The following SLC44A5 variants were observed in gnomAD, a reference collection of about 807,000 sequenced individuals.
SLC44A5 encodes solute carrier family 44 member 5.
Under a neutral mutation model 101.8 loss-of-function variants are expected in SLC44A5, and 57 were observed. The observed-to-expected ratio is 0.56, with a 90% CI of 0.45 to 0.70. The LOEUF is 0.70. Ranked by LOEUF, SLC44A5 falls within the 30% of genes least tolerant of loss-of-function variation. The probability of loss-of-function intolerance (pLI) is 0.00; values close to 1 mark genes in which losing one functional copy is unlikely to be tolerated. For missense variants in SLC44A5, 737 were observed against 853.1 expected (o/e 0.86, Z 1.70); for synonymous variants, 281 against 290.9 (o/e 0.97, Z 0.35).
intron 6 of SLC44A5, among the ~76,000 whole-genome samples, chr1:75,269,737 T>C (rs976790150): frequency 6.6e-6 from 1 of 152,196 alleles, no homozygotes; most frequent in African/African-American, 2.4e-5. Context: ...TTCTGTCTGG[T>C]TTTATGATAG....
intron 2 of SLC44A5, among the ~76,000 whole-genome samples, chr1:75,469,051 G>C (rs1011144657): frequency 6.6e-6 from 1 of 151,750 alleles, no homozygotes; most frequent in African/African-American, 2.4e-5. Context: ...GCATTAAAAA[G>C]GTAAAAAGAA....
intron 5 of SLC44A5, among the ~76,000 whole-genome samples, chr1:75,288,710 A>G (rs1408012216): frequency 6.6e-6 from 1 of 152,214 alleles, no homozygotes; most frequent in African/African-American, 2.4e-5. Flanking sequence ...ATGCTAGAAC[A>G]AATCAAAACA....
intron 4 of SLC44A5, among the ~76,000 whole-genome samples, chr1:75,310,166 C>T (rs1054483634): frequency 6.6e-6 from 1 of 152,200 alleles, no homozygotes; most frequent in African/African-American, 2.4e-5. Flanking sequence ...TACCAGGAAA[C>T]TTAAAGCCAG....
chr1:75,309,731 G>T (rs541789107), intron 4 of SLC44A5, among the ~76,000 whole-genome samples: 5 of 152,196 alleles, frequency 3.3e-5, no homozygotes, highest in Admixed American at 3.3e-4. Flanking sequence ...ATAGGCATTC[G>T]GTACATACCT....
chr1:75,653,375 G>A, the SLC44A5 span, among the ~76,000 whole-genome samples: 10 of 152,136 alleles, frequency 6.6e-5, no homozygotes, highest in Admixed American at 6.5e-5. Flanking sequence ...CCAGCTACTC[G>A]GGAGGCTGAT....
intron 2 of SLC44A5, among the ~76,000 whole-genome samples, chr1:75,482,840 T>C (rs1667949825): frequency 6.6e-6 from 1 of 152,232 alleles, no homozygotes; most frequent in African/African-American, 2.4e-5. Flanking sequence ...TATATCATTT[T>C]CTTCCTGTAT....
Position 75,421,873 on chromosome 1 carries a change from G to GA in SLC44A5, c.14-25253dup, listed in dbSNP as rs796931282. 7.5e-3 allele frequency among the ~76,000 whole-genome samples: 1,042 copies of GA among 139,154 alleles called. 6 individuals are homozygous for GA. Among genetic ancestry groups the GA allele is most frequent in the African/African-American group, 0.019 (746 of 38,288 alleles). The allele number at this position is 139,154 out of a possible 152,430, so 91.3% of individuals were successfully genotyped here. On this transcript the variant is annotated intron_variant, in intron 2 of 23. Transcript: ENST00000370859. ...TTTAGAAGAAATCTGTTACTTTTTT[G>GA]AAAAAAAAAAAAAGTACTTTGGTGA...
chr1:75,300,773 T>A (rs1236351420), intron 4 of SLC44A5, 88 bp from the exon 5 acceptor site: 1 of 757,356 alleles, frequency 1.3e-6, no homozygotes, highest in Admixed American at 3.0e-5. Context: ...GAGAAAAAGA[T>A]AGTAATAGTG....
intron 1 of SLC44A5, among the ~76,000 whole-genome samples, chr1:75,573,821 T>G (rs1421815839): frequency 6.6e-6 from 1 of 152,204 alleles, no homozygotes; most frequent in Non-Finnish European, 1.5e-5. Context: ...AAAGATATTT[T>G]TCCTCCTCCT....
chr1:75,278,928 A>C (rs1014841045), intron 5 of SLC44A5, among the ~76,000 whole-genome samples: 3 of 152,102 alleles, frequency 2.0e-5, no homozygotes, highest in Admixed American at 2.0e-4. Flanking sequence ...ATTGTTATTG[A>C]TATATTATAG....
chr1:75,654,559 C>A, the SLC44A5 span, among the ~76,000 whole-genome samples: 3 of 152,064 alleles, frequency 2.0e-5, no homozygotes, highest in Non-Finnish European at 4.4e-5. Context: ...TACTTTTAAC[C>A]AGAAATACTG....
rs1656260640 is a variant in SLC44A5, at chr1:75,322,737, C to T, written c.101+16845G>A. On this transcript the variant is annotated intron_variant, in intron 4 of 23. Coordinates refer to ENST00000370859, the MANE Select transcript of SLC44A5 (RefSeq NM_001130058.2). ...AAAAACAAACAAACAAACAAACAAACAAAACACTGCACGGACAGATGTACT... is the reference window on the plus strand; with the variant it reads ...AAAAACAAACAAACAAACAAACAAATAAAACACTGCACGGACAGATGTACT... Among the ~76,000 whole-genome samples the T allele has an allele frequency of 2.0e-5, 3 of 152,172 alleles. No homozygotes were observed. In the South Asian group the frequency reaches 6.2e-4, roughly 32 times the overall value.
At chr1:75,633,656 T>C in the SLC44A5 span, among the ~76,000 whole-genome samples, 1 of 152,066 alleles carries the variant, frequency 6.6e-6, no homozygotes. Flanking sequence ...TACAATCATG[T>C]CATCTGCAAA....
chr1:75,509,140 G>C (rs113310224), intron 2 of SLC44A5, among the ~76,000 whole-genome samples: 2 of 152,116 alleles, frequency 1.3e-5, no homozygotes, highest in Non-Finnish European at 2.9e-5. Context: ...CCCACACCTC[G>C]TGCTTCACAC....
the SLC44A5 span, among the ~76,000 whole-genome samples, chr1:75,680,446 G>A: frequency 6.6e-6 from 1 of 151,874 alleles, no homozygotes; most frequent in Admixed American, 6.6e-5. Context: ...TACAACTCAG[G>A]ATTAAGAATC....
intron 7 of SLC44A5, among the ~76,000 whole-genome samples, chr1:75,250,148 C>T (rs568237183): frequency 1.1e-4 from 17 of 152,186 alleles, no homozygotes; most frequent in Admixed American, 2.0e-4. Flanking sequence ...CTTCTTTCTC[C>T]TCCCACCCTT....
intron 4 of SLC44A5, among the ~76,000 whole-genome samples, 196 bp downstream of exon 4, chr1:75,339,386 G>T (rs1657693887): frequency 6.6e-6 from 1 of 152,118 alleles, no homozygotes; most frequent in African/African-American, 2.4e-5. Flanking sequence ...AATGGGAGAA[G>T]ATATTCATGA....
intron 5 of SLC44A5, among the ~76,000 whole-genome samples, chr1:75,287,437 T>TC (rs1297307094): frequency 1.4e-5 from 2 of 146,012 alleles, no homozygotes; most frequent in Non-Finnish European, 3.0e-5. Context: ...TTTTTTTTTT[T>TC]TTTTTTTTTT....
intron 3 of SLC44A5, among the ~76,000 whole-genome samples, chr1:75,389,036 T>C (rs908042638): frequency 6.6e-6 from 1 of 152,018 alleles, no homozygotes; most frequent in African/African-American, 2.4e-5. Context: ...GCTATTCTTG[T>C]ATGAGATAAA....
Sources: allele counts gnomAD v4.1 joint callset (sites outside exome capture counted in the v4.1 genomes callset), GRCh38; gene constraint gnomAD v4.1.1; transcripts MANE v1.5; gene names NCBI Gene and HGNC (gene_info 2026-07-23, HGNC 2026-07-21).